The following CDH13 variants were observed in gnomAD, a reference collection of about 807,000 sequenced individuals.
CDH13 encodes the protein cadherin-13.
A neutral mutation model predicts 63.8 loss-of-function variants in CDH13; 24 were observed. The ratio of observed to expected loss-of-function variants is 0.38; its 90% CI spans 0.27 to 0.53. The LOEUF (loss-of-function observed/expected upper bound fraction) is 0.53. Among genes scored for constraint, CDH13 ranks in the 20% least tolerant of loss-of-function variants. The pLI, the probability that CDH13 is intolerant of heterozygous loss-of-function variation, is 0.85. For synonymous variants in CDH13, 503 were observed against 355.3 expected, an observed-to-expected ratio of 1.42 and a Z score of -4.67; for missense variants, 1,049 against 903.1, an observed-to-expected ratio of 1.16 and a Z score of -2.07.
At chr16:82,846,559 T>C (rs1344689392) in intron 1 of CDH13, among the ~76,000 whole-genome samples, 2 of 152,126 alleles carry the variant, frequency 1.3e-5, no homozygotes, top group East Asian at 3.9e-4. Flanking sequence ...CAGGGTCACA[T>C]AGAAACTAAC....
intron 5 of CDH13, among the ~76,000 whole-genome samples, chr16:83,226,753 C>T (rs186642632): frequency 3.9e-5 from 6 of 152,244 alleles, no homozygotes; most frequent in African/African-American, 9.6e-5. Context: ...AGTTAAATAA[C>T]GGGGCAACTG....
At chr16:83,034,843 C>T (rs1056534657) in intron 3 of CDH13, among the ~76,000 whole-genome samples, 3 of 152,054 alleles carry the variant, frequency 2.0e-5, no homozygotes, top group Non-Finnish European at 4.4e-5. Flanking sequence ...TGTGAGATGC[C>T]ATCCAGAGAC....
intron 7 of CDH13, among the ~76,000 whole-genome samples, chr16:83,536,116 G>C (rs1158821762): frequency 6.6e-6 from 1 of 152,162 alleles, no homozygotes; most frequent in Admixed American, 6.5e-5. Context: ...TTGGCATTAT[G>C]AGGCATTGAG....
chr16:83,394,698 A>G (rs2091852121), intron 6 of CDH13, among the ~76,000 whole-genome samples: 1 of 152,194 alleles, frequency 6.6e-6, no homozygotes, highest in Non-Finnish European at 1.5e-5. Flanking sequence ...GATGAGAACA[A>G]AAGCAAGGCA....
intron 1 of CDH13, among the ~76,000 whole-genome samples, chr16:82,697,301 A>T (rs181500516): frequency 4.6e-5 from 7 of 152,182 alleles, no homozygotes; most frequent in Admixed American, 1.3e-4. Context: ...CAGTTGATCC[A>T]TATTCCCAGG....
chr16:83,303,123 G>A (rs1009741946), intron 5 of CDH13, among the ~76,000 whole-genome samples: 1 of 152,198 alleles, frequency 6.6e-6, no homozygotes, highest in African/African-American at 2.4e-5. Context: ...GGAGGAGAAG[G>A]AAGGAAAAGA....
chr16:82,853,286 C>T (rs2039567404), intron 1 of CDH13, among the ~76,000 whole-genome samples: 1 of 152,192 alleles, frequency 6.6e-6, no homozygotes, highest in Non-Finnish European at 1.5e-5. Flanking sequence ...GTAGTCTAAA[C>T]AGTCTATTCA....
chr16:82,977,900 C>A (rs756680958), intron 2 of CDH13, among the ~76,000 whole-genome samples: 3 of 152,176 alleles, frequency 2.0e-5, no homozygotes, highest in Non-Finnish European at 2.9e-5. Flanking sequence ...GAGTTTAGAA[C>A]TTCCTAGAGA....
At chr16:83,219,071 G>A (rs1012160692) in intron 5 of CDH13, among the ~76,000 whole-genome samples, 1 of 152,116 alleles carries the variant, frequency 6.6e-6, no homozygotes, top group African/African-American at 2.4e-5. Flanking sequence ...TTAGCAGCAT[G>A]AGAACGGACT....
chr16:83,655,629 C>G (rs1199518503), intron 8 of CDH13, among the ~76,000 whole-genome samples: 2 of 152,144 alleles, frequency 1.3e-5, no homozygotes, highest in Non-Finnish European at 2.9e-5. Context: ...GGAAAAGGCT[C>G]TGGATTTTGT....
chr16:83,740,523 T>C (rs1263230001), intron 10 of CDH13, among the ~76,000 whole-genome samples: 1 of 152,184 alleles, frequency 6.6e-6, no homozygotes, highest in Non-Finnish European at 1.5e-5. Context: ...ATATATTACT[T>C]GTTGTCATGG....
At chr16:83,579,365 G>T (rs530858973) in intron 7 of CDH13, among the ~76,000 whole-genome samples, 1 of 152,202 alleles carries the variant, frequency 6.6e-6, no homozygotes, top group Non-Finnish European at 1.5e-5. Context: ...TTGGCTCACA[G>T]TTCCACAGGC....
intron 1 of CDH13, among the ~76,000 whole-genome samples, chr16:82,753,570 C>G (rs1038214913): frequency 6.6e-6 from 1 of 152,144 alleles, no homozygotes; most frequent in Non-Finnish European, 1.5e-5. Context: ...ATATCCAAAA[C>G]AATTCTCCAT....
intron 8 of CDH13, among the ~76,000 whole-genome samples, chr16:83,624,913 A>C (rs1389733092): frequency 6.6e-6 from 1 of 152,182 alleles, no homozygotes; most frequent in Non-Finnish European, 1.5e-5. Context: ...TGCATGTGAA[A>C]AGCTGGTGTG....
chr16:83,308,734 A>G (rs528141187), intron 5 of CDH13, among the ~76,000 whole-genome samples: 21 of 152,348 alleles, frequency 1.4e-4, no homozygotes, highest in Admixed American at 1.0e-3. Flanking sequence ...CGCCGTCTCC[A>G]TATGTGGGAA....
chr16:83,098,359 T>G (rs945949126), intron 3 of CDH13, among the ~76,000 whole-genome samples: 10 of 152,220 alleles, frequency 6.6e-5, no homozygotes, highest in Non-Finnish European at 1.0e-4. Context: ...TACATTACAT[T>G]GCTATTATTT....
intron 2 of CDH13, chr16:82,884,150 C>A (rs1445937062): frequency 2.2e-6 from 1 of 454,862 alleles, no homozygotes; most frequent in Admixed American, 2.4e-5. Context: ...CACGCTGTTT[C>A]TTTCCTTATG....
intron 11 of CDH13, among the ~76,000 whole-genome samples, chr16:83,752,085 A>G (rs1913133937): frequency 6.6e-6 from 1 of 152,258 alleles, no homozygotes; most frequent in Non-Finnish European, 1.5e-5. Context: ...TGTAAAATGA[A>G]AAGTATCCAT....
At chr16:83,325,540 G>A (rs76664463) in intron 5 of CDH13, among the ~76,000 whole-genome samples, 11,904 of 152,266 alleles carry the variant, frequency 0.078, 648 homozygotes, top group Non-Finnish European at 0.12. Context: ...TCTAGCACGA[G>A]AGAAGCCGTA....
Sources: gnomAD v4.1 joint callset for allele counts (sites outside exome capture counted in the v4.1 genomes callset) on GRCh38, gnomAD v4.1.1 for gene constraint, MANE v1.5 for transcripts, NCBI Gene and HGNC (gene_info 2026-07-23, HGNC 2026-07-21) for gene names.